Variants in CERS5 observed in about 807,000 individuals in gnomAD.
CERS5 encodes the protein LAG1 homolog, ceramide synthase 5.
CERS5 carries 37 observed loss-of-function variants against 58.9 expected under a neutral mutation model. The observed-to-expected ratio is 0.63, with a 90% CI of 0.48 to 0.83. The LOEUF is 0.83. Ranked by LOEUF, CERS5 falls within the 40% of genes least tolerant of loss-of-function variation. The pLI, the probability that CERS5 is intolerant of heterozygous loss-of-function variation, is 0.00. For missense variants in CERS5, 398 were observed against 489.3 expected, an observed-to-expected ratio of 0.81 and a Z score of 1.76; for synonymous variants, 147 against 177.8, an observed-to-expected ratio of 0.83 and a Z score of 1.38.
chr12:50,145,732 G>A (rs1338280417), intron 1 of CERS5, among the ~76,000 whole-genome samples: 1 of 151,848 alleles, frequency 6.6e-6, no homozygotes, highest in South Asian at 2.1e-4. Flanking sequence ...ACATTTACTG[G>A]TATACTATTC....
chr12:50,145,663 TG>T (rs66782120), intron 1 of CERS5, among the ~76,000 whole-genome samples: 5,475 of 149,474 alleles, frequency 0.037, 115 homozygotes, highest in Middle Eastern at 0.074. Context: ...TTTACACCGG[TG>T]GGGGGGAAAA....
chr12:50,156,041 AGTGAGCT>A (rs1240241682), intron 1 of CERS5, among the ~76,000 whole-genome samples: 1 of 139,162 alleles, frequency 7.2e-6, no homozygotes, highest in Non-Finnish European at 1.5e-5. Context: ...CAGAGGTTGC[AGTGAGCT>A]GAGATCGCGC....
chr12:50,150,482 C>T (rs574265223), intron 1 of CERS5, among the ~76,000 whole-genome samples: 15 of 152,084 alleles, frequency 9.9e-5, no homozygotes, highest in Non-Finnish European at 4.4e-5. Context: ...TGCAAATACA[C>T]TTGGAAAAGG....
intron 6 of CERS5, among the ~76,000 whole-genome samples, chr12:50,137,432 T>G (rs1478869982): frequency 6.6e-6 from 1 of 152,206 alleles, no homozygotes; most frequent in African/African-American, 2.4e-5. Flanking sequence ...TATCCCCCAA[T>G]TCTGACTAGT....
intron 1 of CERS5, among the ~76,000 whole-genome samples, chr12:50,152,475 C>T (rs968359050): frequency 1.3e-5 from 2 of 152,210 alleles, no homozygotes; most frequent in African/African-American, 2.4e-5. Flanking sequence ...GGCACAGTGG[C>T]TTATGCCTGT....
chr12:50,140,839 ATT>A (rs200589306), intron 4 of CERS5, among the ~76,000 whole-genome samples: 17 of 134,840 alleles, frequency 1.3e-4, no homozygotes, highest in Non-Finnish European at 1.8e-4. Flanking sequence ...ACCCTTAGTG[ATT>A]TTTTTTTTTT....
intron 1 of CERS5, among the ~76,000 whole-genome samples, chr12:50,158,881 T>C (rs1938952132): frequency 1.3e-5 from 2 of 152,118 alleles, no homozygotes; most frequent in African/African-American, 4.8e-5. Context: ...AGTGTGATTA[T>C]TCTCAATGCC....
intron 4 of CERS5, among the ~76,000 whole-genome samples, chr12:50,139,316 C>T (rs1345044191): frequency 2.6e-5 from 4 of 151,934 alleles, no homozygotes; most frequent in South Asian, 2.1e-4. Flanking sequence ...CCCATCTCTA[C>T]AAAAAATACA....
At chr12:50,134,737 T>G in intron 8 of CERS5, 35 bp from the exon 9 acceptor site, 1 of 1,590,456 alleles carries the variant, frequency 6.3e-7, no homozygotes, top group Non-Finnish European at 8.6e-7. Context: ...GATTCTAGAG[T>G]CAAAGCTCAG....
rs1951232967 is a variant in CERS5, at chr12:50,130,107, G to C, written c.*438C>G. On this transcript the variant is annotated 3_prime_UTR_variant, in exon 10 of 10. Transcript: ENST00000317551. The stretch of plus-strand genomic sequence containing the variant: ...GTACAGAAATGTGGGACTGAACTTG[G>C]CTGCTCCATTCAGATGGTCCAGGGG... The C allele has an allele frequency of 6.4e-6, 1 of 155,302 alleles. No homozygotes were observed. The highest frequency in any genetic ancestry group is 2.4e-5 in the African/African-American group (1 of 41,540). 9.6% of individuals were successfully genotyped at this position (155,302 alleles called of 1,614,324 possible).
rs762189592 is a variant in CERS5, at chr12:50,142,045, A to C, written c.492+8T>G. On this transcript the variant is annotated splice_region_variant and intron_variant, in intron 4 of 9. Coordinates refer to ENST00000317551, the MANE Select transcript of CERS5 (RefSeq NM_147190.5). ...CCCAACAGAGGACTAGAGAAAGTTA[A>C]GACTCACCGACCAGAGAAATCTAAT... 6.4e-7 allele frequency: 1 copy of C among 1,558,838 alleles called. No homozygotes were observed. The highest frequency in any genetic ancestry group is 8.8e-7 in the Non-Finnish European group (1 of 1,130,186).
intron 1 of CERS5, among the ~76,000 whole-genome samples, chr12:50,160,304 C>CAAAAAAAAAAA (rs754917459): frequency 3.5e-5 from 3 of 84,760 alleles, no homozygotes; most frequent in Admixed American, 1.3e-4. Flanking sequence ...GACTCTGTCT[C>CAAAAAAAAAAA]AAAAAAAAAA....
chr12:50,140,284 A>ATTTTTTTTTTTTTTTTTTTTTTTTTTTTT lies in CERS5; in HGVS notation c.493-1668_493-1667insAAAAAAAAAAAAAAAAAAAAAAAAAAAAA, dbSNP rs57651378. Among the ~76,000 whole-genome samples the ATTTTTTTTTTTTTTTTTTTTTTTTTTTTT allele has an allele frequency of 8.3e-5, 8 of 96,252 alleles. 1 individual carries two copies. The highest frequency in any genetic ancestry group is 3.6e-4 in the African/African-American group (8 of 22,354). The allele number at this position is 96,252 out of a possible 152,430, so 63.1% of individuals were successfully genotyped here. A position where few individuals can be genotyped will look rare whatever the true frequency, so the allele number is the denominator to read the frequency against. On this transcript the variant is annotated intron_variant, in intron 4 of 9. Coordinates refer to ENST00000317551, the MANE Select transcript of CERS5 (RefSeq NM_147190.5). ...TTGAGAAGAGTTGTTTAACTTCCAA[A>ATTTTTTTTTTTTTTTTTTTTTTTTTTTTT]TTTTTTTTTTTTTTTTTTTTTTTTT...
chr12:50,143,882 C>G, intron 2 of CERS5, 70 bp downstream of exon 2: 7 of 941,480 alleles, frequency 7.4e-6, no homozygotes, highest in Middle Eastern at 2.1e-4. Context: ...GGTACGTGCT[C>G]TCTATCCTCC....
chr12:50,134,230 T>C (rs1177052356), intron 9 of CERS5, among the ~76,000 whole-genome samples: 1 of 151,528 alleles, frequency 6.6e-6, no homozygotes, highest in Non-Finnish European at 1.5e-5. Flanking sequence ...AATAAGAAAA[T>C]TAGCCAGGCG....
At chr12:50,134,071 GAAA>G (rs57888855) in intron 9 of CERS5, 23 of 79,676 alleles carry the variant, frequency 2.9e-4, no homozygotes, top group Admixed American at 5.9e-4. Flanking sequence ...GATTCCATCT[GAAA>G]AAAAAAAAAA....
At chr12:50,146,202 A>C (rs546687946) in intron 1 of CERS5, among the ~76,000 whole-genome samples, 1 of 152,206 alleles carries the variant, frequency 6.6e-6, no homozygotes, top group East Asian at 1.9e-4. Flanking sequence ...AATGGAGATA[A>C]TATCTACCTC....
At position 50,138,731 on chromosome 12, in the gene CERS5, C is replaced by T. The variant is rs1041892264; in HGVS notation, c.493-114G>A. The stretch of plus-strand genomic sequence containing the variant: ...GGGGCAAAAGAGGACAGAAAAGCCC[C>T]CAAACAGATTTTAGGGCTCCCTAAA... On this transcript the variant is annotated intron_variant, in intron 4 of 9. Coordinates refer to ENST00000317551, the MANE Select transcript of CERS5 (RefSeq NM_147190.5). 1.5e-4 allele frequency: 135 copies of T among 895,078 alleles called. No homozygotes were observed. The Admixed American group carries it at 2.3e-3, about 15-fold the overall frequency. The allele number at this position is 895,078 out of a possible 1,614,324, so 55.4% of individuals were successfully genotyped here.
chr12:50,137,878 T>G, intron 5 of CERS5, 58 bp from the exon 6 acceptor site: 3 of 1,126,056 alleles, frequency 2.7e-6, no homozygotes, highest in Non-Finnish European at 4.0e-6. Context: ...ATTCCATCTC[T>G]CCAACTTTCT....
Sources: allele counts gnomAD v4.1 joint callset (sites outside exome capture counted in the v4.1 genomes callset), GRCh38; gene constraint gnomAD v4.1.1; transcripts MANE v1.5; gene names NCBI Gene and HGNC (gene_info 2026-07-23, HGNC 2026-07-21).